COG4: variants seen among roughly 807,000 people sequenced by gnomAD.
The protein encoded by COG4 is component of oligomeric golgi complex 4.
COG4 carries 65 observed loss-of-function variants against 95.1 expected under a neutral mutation model. The ratio of observed to expected loss-of-function variants is 0.68; its 90% CI spans 0.56 to 0.84. The LOEUF (loss-of-function observed/expected upper bound fraction) is 0.84. COG4 is among the 40% of genes least tolerant of loss of function. The probability of loss-of-function intolerance (pLI) is 0.00; values close to 1 mark genes in which losing one functional copy is unlikely to be tolerated. For missense variants in COG4, 1,045 were observed against 989.1 expected, an observed-to-expected ratio of 1.06 and a Z score of -0.76; for synonymous variants, 421 against 374.8, an observed-to-expected ratio of 1.12 and a Z score of -1.42.
intron 5 of COG4, 116 bp from the exon 6 acceptor site, chr16:70,510,137 T>A (rs2049669611): frequency 1.2e-6 from 1 of 822,768 alleles, no homozygotes. Flanking sequence ...TTTCCCTTGA[T>A]GTCTGGAAGC....
intron 5 of COG4, among the ~76,000 whole-genome samples, chr16:70,511,284 TGAC>T (rs2049698042): frequency 8.1e-6 from 1 of 123,314 alleles, no homozygotes; most frequent in South Asian, 2.9e-4. Context: ...TAAACAGGAA[TGAC>T]AACATATTGT....
intron 3 of COG4, among the ~76,000 whole-genome samples, chr16:70,515,444 C>G (rs58144908): frequency 0.12 from 18,291 of 152,082 alleles, 3,645 homozygotes; most frequent in African/African-American, 0.41. Flanking sequence ...CCAGCACTTT[C>G]GGAAGCCGAG....
Position 70,503,874 on chromosome 16 carries a change from G to A in COG4, c.1062-2783C>T, listed in dbSNP as rs1009171399. ...CTCCCAAAGTGCTGGGATTACAGGC[G>A]TGAGCCACCGCGCCCGGCCAACTCC... On this transcript the variant is annotated intron_variant, in intron 8 of 18. Transcript: ENST00000323786. Among the ~76,000 whole-genome samples, 5 of 122,848 alleles carry A rather than the reference G, an allele frequency of 4.1e-5. 1 individual carries two copies. Among genetic ancestry groups the A allele is most frequent in the African/African-American group, 2.1e-4 (3 of 14,416 alleles). 80.6% of individuals were successfully genotyped at this position (122,848 alleles called of 152,430 possible).
intron 8 of COG4, among the ~76,000 whole-genome samples, chr16:70,502,344 C>T (rs1273827794): frequency 6.7e-6 from 1 of 149,136 alleles, no homozygotes; most frequent in African/African-American, 2.5e-5. Flanking sequence ...CCTGTAATCC[C>T]AGCACTTTGG....
At position 70,481,397 on chromosome 16, in the gene COG4, G is replaced by A. The variant is rs267606740; in HGVS notation, c.2197C>T (p.Arg733Trp). The stretch of plus-strand genomic sequence containing the variant: ...AGGATGGTGGCCATCTGGGAGAGCC[G>A]GGCAAACTTGTCTCGGATGGTCCAG... ...TTWTIRDKFA[R>W]LSQMATILNL... Residue 733 changes from arginine (R) to tryptophan (W), a missense_variant, in exon 18 of 19, where the codon CGG becomes TGG. Coordinates refer to ENST00000323786, the MANE Select transcript of COG4 (RefSeq NM_015386.3). The A allele has an allele frequency of 1.4e-5, 23 of 1,613,198 alleles. No individual in the cohort carries two copies. Among genetic ancestry groups the A allele is most frequent in the South Asian group, 4.4e-5 (4 of 91,072 alleles).
chr16:70,498,731 A>G (rs558526491), intron 9 of COG4, among the ~76,000 whole-genome samples: 43 of 152,376 alleles, frequency 2.8e-4, no homozygotes, highest in African/African-American at 1.0e-3. Flanking sequence ...AGATAACAGA[A>G]TATCACAATA....
Position 70,509,237 on chromosome 16 carries a change from G to T in COG4, c.996C>A (p.His332Gln), listed in dbSNP as rs760463627. The T allele has an allele frequency of 1.9e-6, 3 of 1,614,074 alleles. No individual in the cohort carries two copies. The highest frequency in any genetic ancestry group is 2.2e-5 in the East Asian group (1 of 44,868). The change falls in exon 7 of 19, where the codon CAC becomes CAA. Residue 332 changes from histidine to glutamine, a missense_variant. By Grantham distance (24) the His-to-Gln change is conservative (BLOSUM62 0). Coordinates refer to ENST00000323786, the MANE Select transcript of COG4 (RefSeq NM_015386.3). ...TGTAGCTTCCCCTGCTCACCTGCTGGTGGTAGTCCCTTTGCTTGATGAACT... is the reference window on the plus strand; with the variant it reads ...TGTAGCTTCCCCTGCTCACCTGCTGTTGGTAGTCCCTTTGCTTGATGAACT... The part of the protein sequence containing the change: ...VDKFIKQRDY[H>Q]QQFRHVQNNL...
intron 1 of COG4, 157 bp downstream of exon 1, chr16:70,523,194 TCCGACAGCGTGAAAAGAGTTGA>T: frequency 1.5e-6 from 1 of 683,960 alleles, no homozygotes; most frequent in Non-Finnish European, 2.5e-6. Flanking sequence ...GCTCGGCGCG[TCCGACAGCGTGAAAAGAGTTGA>T]CAGGACTACT....
At chr16:70,492,178 T>C (rs2049257669) in intron 12 of COG4, among the ~76,000 whole-genome samples, 1 of 152,172 alleles carries the variant, frequency 6.6e-6, no homozygotes, top group African/African-American at 2.4e-5. Context: ...GGGGAGGGCA[T>C]GGAAGCTCCA....
chr16:70,509,693 G>A lies in COG4; in HGVS notation c.844+223C>T, dbSNP rs2049657464. 2.0e-5 allele frequency among the ~76,000 whole-genome samples: 3 copies of A among 152,328 alleles called. No homozygotes were observed. The South Asian group carries it at 6.2e-4, about 32-fold the overall frequency. The stretch of plus-strand genomic sequence containing the variant: ...TTTTAGGGTTAAATTTATTCGTACA[G>A]AGTTTGGGGTTTGAGGGTTAGGTAG... On this transcript the variant is annotated intron_variant, in intron 6 of 18. Transcript: ENST00000323786.
chr16:70,488,282 C>A (rs1380089403), intron 13 of COG4, among the ~76,000 whole-genome samples: 1 of 150,490 alleles, frequency 6.6e-6, no homozygotes, highest in Non-Finnish European at 1.5e-5. Flanking sequence ...TACAGGCGCC[C>A]GCCACCATGC....
At chr16:70,506,619 A>AC in intron 8 of COG4, among the ~76,000 whole-genome samples, 1 of 98,690 alleles carries the variant, frequency 1.0e-5, no homozygotes, top group Non-Finnish European at 1.9e-5. Context: ...AAAAAAAAAC[A>AC]AAAAAAAAAA....
chr16:70,509,022 G>A, intron 7 of COG4: 2 of 634,846 alleles, frequency 3.2e-6, no homozygotes, highest in East Asian at 2.8e-5. Flanking sequence ...TTTCCGTTTT[G>A]GTCTTGAACT....
At chr16:70,515,902 C>G (rs1334709763) in intron 3 of COG4, 1 of 426,304 alleles carries the variant, frequency 2.3e-6, no homozygotes, top group East Asian at 7.1e-5. Flanking sequence ...CTTCTGGCCT[C>G]AAGAGATCCT....
chr16:70,511,270 A>C (rs1299049455), intron 5 of COG4, among the ~76,000 whole-genome samples: 2 of 149,436 alleles, frequency 1.3e-5, no homozygotes, highest in Non-Finnish European at 2.9e-5. Context: ...TAACTCCCTC[A>C]TTTTAAACAG....
intron 12 of COG4, among the ~76,000 whole-genome samples, chr16:70,491,824 C>CAAAAAAAAA (rs772831502): frequency 8.4e-5 from 5 of 59,336 alleles, no homozygotes; most frequent in East Asian, 5.7e-4. Flanking sequence ...AACTACGTCT[C>CAAAAAAAAA]AAAAAAAAAA....
intron 3 of COG4, among the ~76,000 whole-genome samples, chr16:70,516,921 A>T (rs926553981): frequency 2.6e-5 from 4 of 152,014 alleles, no homozygotes; most frequent in African/African-American, 9.7e-5. Context: ...GCATTACCAC[A>T]CCTGGCTAAT....
At chr16:70,483,607 G>C (rs1484331640) in intron 14 of COG4, among the ~76,000 whole-genome samples, 1 of 152,142 alleles carries the variant, frequency 6.6e-6, no homozygotes, top group Non-Finnish European at 1.5e-5. Flanking sequence ...GAGAGCTCTT[G>C]TCATTGTGGG....
chr16:70,483,519 T>A (rs2049058242), intron 14 of COG4, among the ~76,000 whole-genome samples: 1 of 151,958 alleles, frequency 6.6e-6, no homozygotes, highest in Non-Finnish European at 1.5e-5. Context: ...ACAAGAGATT[T>A]CAGAATGCTC....
Sources: allele counts gnomAD v4.1 joint callset (sites outside exome capture counted in the v4.1 genomes callset), GRCh38; gene constraint gnomAD v4.1.1; transcripts MANE v1.5; gene names NCBI Gene and HGNC (gene_info 2026-07-23, HGNC 2026-07-21).